Variants in MAP3K4 observed in about 807,000 individuals in gnomAD.
MAP3K4 encodes the protein mitogen-activated protein kinase kinase kinase 4, also known as MAP three kinase 1.
In MAP3K4, 67 loss-of-function variants were observed where a neutral mutation model predicts 185.6. The observed-to-expected ratio is 0.36, with a 90% confidence interval of 0.30 to 0.44. MAP3K4 has a LOEUF of 0.44. Ranked by LOEUF, MAP3K4 falls within the 20% of genes least tolerant of loss-of-function variation. The pLI is 1.00. For synonymous variants in MAP3K4, 702 were observed against 710.4 expected, an observed-to-expected ratio of 0.99 and a Z score of 0.19; for missense variants, 1,551 against 1,995.1, an observed-to-expected ratio of 0.78 and a Z score of 4.24.
chr6:161,009,239 C>T (rs1288278143), intron 1 of MAP3K4, among the ~76,000 whole-genome samples: 1 of 152,166 alleles, frequency 6.6e-6, no homozygotes, highest in East Asian at 1.9e-4. Flanking sequence ...CCGCCTCGGC[C>T]TCCCAAAGTG....
chr6:161,015,759 C>T, intron 1 of MAP3K4, among the ~76,000 whole-genome samples: 1 of 152,112 alleles, frequency 6.6e-6, no homozygotes, highest in Non-Finnish European at 1.5e-5. Flanking sequence ...TGCTAGCACT[C>T]ATAGAGAGAA....
In MAP3K4 at chr6:161,087,647, T is replaced by G; in HGVS notation, c.2557-41T>G. 5 of 1,603,576 alleles carry G rather than the reference T, an allele frequency of 3.1e-6. No homozygotes were observed. The highest frequency in any genetic ancestry group is 4.3e-6 in the Non-Finnish European group (5 of 1,174,362). Reference sequence around the variant, plus strand: ...TGTTTTAAATAACCTATTTCTCTAATGTACAGTGTTCCTTAAGATTTTGGA... The same window carrying G: ...TGTTTTAAATAACCTATTTCTCTAAGGTACAGTGTTCCTTAAGATTTTGGA... On this transcript the variant is annotated intron_variant, in intron 9 of 26. Coordinates refer to ENST00000392142, the MANE Select transcript of MAP3K4 (RefSeq NM_005922.4). This position sits in a 1 kb window ranked among gnomAD's most constrained non-coding sequence, Gnocchi z 4.9.
rs1015183081 is a variant in MAP3K4, at chr6:161,037,153, G to A, written c.343+2704G>A. Among the ~76,000 whole-genome samples, 1 of 152,184 alleles carries A rather than the reference G, an allele frequency of 6.6e-6. No individual in the cohort carries two copies. The highest frequency in any genetic ancestry group is 1.5e-5 in the Non-Finnish European group (1 of 68,026). ...GAAATGGGACGCCAGTGGTAGACAA[G>A]TGGGCCATTTTAATGTCTTAGTCTT... On this transcript the variant is annotated intron_variant, in intron 2 of 26. Transcript: ENST00000392142. This position sits in a 1 kb window ranked among gnomAD's most constrained non-coding sequence, Gnocchi z 4.2.
At position 161,064,652 on chromosome 6, in the gene MAP3K4, A is replaced by T. The variant is rs142085857; in HGVS notation, c.1708-5956A>T. The stretch of plus-strand genomic sequence containing the variant: ...ATTTTTGCACATTACTTTCTTCCAC[A>T]TGGGCTTTATTATGGATTTGTCAAA... On this transcript the variant is annotated intron_variant, in intron 3 of 26. Transcript: ENST00000392142. This position sits in a 1 kb window ranked among gnomAD's most constrained non-coding sequence, Gnocchi z 4.3. Among the ~76,000 whole-genome samples, 688 of 152,180 alleles carry T rather than the reference A, an allele frequency of 4.5e-3. 6 individuals carry two copies. Among genetic ancestry groups the T allele is most frequent in the African/African-American group, 0.016 (654 of 41,502 alleles).
intron 1 of MAP3K4, among the ~76,000 whole-genome samples, chr6:161,029,637 G>T (rs1178607854): frequency 2.6e-5 from 4 of 152,218 alleles, no homozygotes; most frequent in Middle Eastern, 3.2e-3. Context: ...TTTCAGGGCA[G>T]CTGATGTAGA....
intron 19 of MAP3K4, among the ~76,000 whole-genome samples, chr6:161,104,415 CAA>C (rs869113836): frequency 3.8e-4 from 22 of 58,324 alleles, no homozygotes; most frequent in Non-Finnish European, 3.4e-4. Flanking sequence ...ACTCCGTTTC[CAA>C]AAAAAAAAAA....
intron 11 of MAP3K4, among the ~76,000 whole-genome samples, chr6:161,090,192 ATATT>A (rs1185674644): frequency 1.8e-4 from 27 of 152,190 alleles, no homozygotes; most frequent in Admixed American, 7.2e-4. Flanking sequence ...TATTAACTAA[ATATT>A]TAGGTTATCT....
intron 5 of MAP3K4, among the ~76,000 whole-genome samples, chr6:161,079,325 C>T (rs1489661915): frequency 3.3e-5 from 5 of 151,634 alleles, no homozygotes; most frequent in Admixed American, 6.6e-5. Context: ...CGCCTGTAAT[C>T]CCAGCACTTT....
chr6:161,091,487 T>C lies in MAP3K4; in HGVS notation c.3082T>C (p.Leu1028=), dbSNP rs1185232305. 10 of 1,614,162 alleles carry C rather than the reference T, an allele frequency of 6.2e-6. No homozygotes were observed. The highest frequency in any genetic ancestry group is 8.5e-6 in the Non-Finnish European group (10 of 1,180,028). Residue 1028 remains leucine, a synonymous_variant, in exon 12 of 27, where the codon TTG becomes CTG. Coordinates refer to ENST00000392142, the MANE Select transcript of MAP3K4 (RefSeq NM_005922.4). The surrounding 1 kb of genome is among the most constrained non-coding windows in gnomAD (Gnocchi z 5.5). ...AEVDESESVT[L]QQYYREAMIQ... is the part of the protein sequence containing the mutation. ...GGTTGATGAATCTGAATCTGTCACC[T>C]TGCAACAGTACTACCGAGAAGCAAT...
chr6:161,010,146 T>G (rs1280566069), intron 1 of MAP3K4, among the ~76,000 whole-genome samples: 6 of 152,220 alleles, frequency 3.9e-5, no homozygotes, highest in Non-Finnish European at 4.4e-5. Flanking sequence ...TATTCATGTA[T>G]CCTCTTGACT....
At chr6:161,003,843 A>G (rs1781447421) in intron 1 of MAP3K4, among the ~76,000 whole-genome samples, 1 of 152,114 alleles carries the variant, frequency 6.6e-6, no homozygotes. Flanking sequence ...AAATTTTTTT[A>G]AACAAAATAT....
chr6:160,992,290 C>T (rs1780756161), intron 1 of MAP3K4: 1 of 625,260 alleles, frequency 1.6e-6, no homozygotes, highest in Non-Finnish European at 2.6e-6. Context: ...GGGGTTGCAG[C>T]TCCGCAGGGT....
At position 161,053,951 on chromosome 6, in the gene MAP3K4, C is replaced by T. The variant is rs7356869; in HGVS notation, c.1707+3972C>T. Among the ~76,000 whole-genome samples, 4,055 of 152,126 alleles carry T rather than the reference C, an allele frequency of 0.027. 121 individuals are homozygous for T. Among genetic ancestry groups the T allele is most frequent in the African/African-American group, 0.072 (2,977 of 41,496 alleles). ...AACTGACAAGGTACCACAGATTGTA[C>T]ATAATGCATATTTTGCAGTTTTTGT... On this transcript the variant is annotated intron_variant, in intron 3 of 26. Transcript: ENST00000392142. The surrounding 1 kb of genome is among the most constrained non-coding windows in gnomAD (Gnocchi z 4.2).
chr6:161,086,287 T>G lies in MAP3K4; in HGVS notation c.2373-92T>G. 1.5e-6 allele frequency: 1 copy of G among 674,948 alleles called. No homozygotes were observed. The highest frequency in any genetic ancestry group is 2.6e-5 in the East Asian group (1 of 38,734). The allele number at this position is 674,948 out of a possible 1,614,324, so 41.8% of individuals were successfully genotyped here. ...CTCAGTCTTTATTTATTACTGTGAT[T>G]TGGAATTTGCTTCATCTTTATTGTT... is the stretch of plus-strand genomic sequence containing the variant. On this transcript the variant is annotated intron_variant, in intron 7 of 26. Coordinates refer to ENST00000392142, the MANE Select transcript of MAP3K4 (RefSeq NM_005922.4). The surrounding 1 kb of genome is among the most constrained non-coding windows in gnomAD (Gnocchi z 4.8).
chr6:161,100,289 G>A lies in MAP3K4; in HGVS notation c.3675-1603G>A, dbSNP rs1431745216. Among the ~76,000 whole-genome samples the A allele has an allele frequency of 6.6e-6, 1 of 152,208 alleles. No homozygotes were observed. Among genetic ancestry groups the A allele is most frequent in the Non-Finnish European group, 1.5e-5 (1 of 68,038 alleles). On this transcript the variant is annotated intron_variant, in intron 17 of 26. Transcript: ENST00000392142. This position sits in a 1 kb window ranked among gnomAD's most constrained non-coding sequence, Gnocchi z 5.8. ...CTGTGGGTTTGTGAATGTGCCACGG[G>A]GAGGCAGAATGACACCAGTGTGTGC...
rs1335431732 is a variant in MAP3K4, at chr6:161,098,728, G to C, written c.3674+301G>C. 2.0e-5 allele frequency among the ~76,000 whole-genome samples: 3 copies of C among 152,234 alleles called. No individual in the cohort carries two copies. Among genetic ancestry groups the C allele is most frequent in the Admixed American group, 6.5e-5 (1 of 15,292 alleles). ...AAAGGACTGGTCCACAACAGAAGGG[G>C]ACATGAGCATTTTGCCTCACAGAGA... is the stretch of plus-strand genomic sequence containing the variant. On this transcript the variant is annotated intron_variant, in intron 17 of 26. Transcript: ENST00000392142. This position sits in a 1 kb window ranked among gnomAD's most constrained non-coding sequence, Gnocchi z 4.4.
chr6:161,117,287 G>C lies in MAP3K4; in HGVS notation c.*417G>C, dbSNP rs936829220. The C allele has an allele frequency of 6.0e-6, 1 of 166,602 alleles. No homozygotes were observed. The highest frequency in any genetic ancestry group is 2.4e-5 in the African/African-American group (1 of 42,090). The allele number at this position is 166,602 out of a possible 1,614,324, so 10.3% of individuals were successfully genotyped here. Reference sequence around the variant, plus strand: ...CTGTGAAACCTTTACCTTTTTTGTTGTTGTTGGCAAGCTGCAGGTTTGTAA... The same window carrying C: ...CTGTGAAACCTTTACCTTTTTTGTTCTTGTTGGCAAGCTGCAGGTTTGTAA... On this transcript the variant is annotated 3_prime_UTR_variant, in exon 27 of 27. Coordinates refer to ENST00000392142, the MANE Select transcript of MAP3K4 (RefSeq NM_005922.4).
chr6:161,088,072 C>T lies in MAP3K4; in HGVS notation c.2823+118C>T. On this transcript the variant is annotated intron_variant, in intron 10 of 26. Coordinates refer to ENST00000392142, the MANE Select transcript of MAP3K4 (RefSeq NM_005922.4). This position sits in a 1 kb window ranked among gnomAD's most constrained non-coding sequence, Gnocchi z 4.5. Reference sequence around the variant, plus strand: ...CCCTAGTAATCACAAGTATATACTTCCCAAAAATATGCCTCAATGTGTTAA... The same window carrying T: ...CCCTAGTAATCACAAGTATATACTTTCCAAAAATATGCCTCAATGTGTTAA... The T allele has an allele frequency of 3.0e-6, 3 of 1,007,490 alleles. No individual in the cohort carries two copies. Among genetic ancestry groups the T allele is most frequent in the Non-Finnish European group, 4.2e-6 (3 of 708,662 alleles). 62.4% of individuals were successfully genotyped at this position (1,007,490 alleles called of 1,614,324 possible).
Position 161,098,236 on chromosome 6 carries a change from C to T in MAP3K4, c.3525-42C>T. 2 of 1,550,788 alleles carry T rather than the reference C, an allele frequency of 1.3e-6. No homozygotes were observed. The highest frequency in any genetic ancestry group is 1.2e-5 in the South Asian group (1 of 84,008). ...TGAAAACAATTTTCAAGTCCGTTCCCTCTTCTCACATGTGTTCCTGAAGCT... is the reference window on the plus strand; with the variant it reads ...TGAAAACAATTTTCAAGTCCGTTCCTTCTTCTCACATGTGTTCCTGAAGCT... On this transcript the variant is annotated intron_variant, in intron 16 of 26. Transcript: ENST00000392142. This position sits in a 1 kb window ranked among gnomAD's most constrained non-coding sequence, Gnocchi z 4.4.
Sources: allele counts gnomAD v4.1 joint callset (sites outside exome capture counted in the v4.1 genomes callset), GRCh38; gene constraint gnomAD v4.1.1; non-coding constraint Gnocchi (gnomAD v3.1); transcripts MANE v1.5; gene names NCBI Gene and HGNC (gene_info 2026-07-23, HGNC 2026-07-21).